The following IL1RL1 variants were observed in gnomAD, a reference collection of about 807,000 sequenced individuals.
The protein encoded by IL1RL1 is interleukin 1 receptor like 1, also known as interleukin-1 receptor-like 1.
IL1RL1 carries 32 observed loss-of-function variants against 50.9 expected under a neutral mutation model. The observed-to-expected ratio is 0.63, with a 90% CI of 0.47 to 0.84. The LOEUF (loss-of-function observed/expected upper bound fraction) is 0.84, where lower values mean the gene tolerates loss of function less well. Ranked by LOEUF, IL1RL1 falls within the 40% of genes least tolerant of loss-of-function variation. The probability of loss-of-function intolerance (pLI) is 0.00; values close to 1 mark genes in which losing one functional copy is unlikely to be tolerated. For synonymous variants in IL1RL1, 275 were observed against 236.0 expected (o/e 1.17, Z -1.51); for missense variants, 773 against 662.9 (o/e 1.17, Z -1.82).
Position 102,340,082 on chromosome 2 carries a change from T to G in IL1RL1, c.273-16T>G. 1 of 1,444,426 alleles carries G rather than the reference T, an allele frequency of 6.9e-7. No homozygotes were observed. Among genetic ancestry groups the G allele is most frequent in the Non-Finnish European group, 9.2e-7 (1 of 1,086,422 alleles). 89.5% of individuals were successfully genotyped at this position (1,444,426 alleles called of 1,614,324 possible). ...ATGCTAAGTGACTCTTTTAATTGTC[T>G]GACTTATTTTAACAGTCCCACATTC... On this transcript the variant is annotated splice_polypyrimidine_tract_variant and intron_variant, in intron 3 of 10. Transcript: ENST00000233954.
intron 10 of IL1RL1, among the ~76,000 whole-genome samples, chr2:102,349,766 A>G (rs929733448): frequency 3.3e-5 from 5 of 152,194 alleles, no homozygotes; most frequent in South Asian, 2.1e-4. Flanking sequence ...ACCCAATTTT[A>G]TATACTTTTG....
chr2:102,350,886 T>G (rs894027637), intron 10 of IL1RL1, among the ~76,000 whole-genome samples: 2 of 152,226 alleles, frequency 1.3e-5, no homozygotes, highest in Non-Finnish European at 2.9e-5. Context: ...CTTTCTCCTG[T>G]TGCAGTGAGG....
At chr2:102,331,223 G>A (rs1353597357) in intron 1 of IL1RL1, among the ~76,000 whole-genome samples, 1 of 152,134 alleles carries the variant, frequency 6.6e-6, no homozygotes, top group Non-Finnish European at 1.5e-5. Context: ...GTATTCCCAG[G>A]ACTTTAATTT....
Position 102,340,630 on chromosome 2 carries a change from G to A in IL1RL1, c.448-36G>A, listed in dbSNP as rs566303119. On this transcript the variant is annotated intron_variant, in intron 4 of 10. Coordinates refer to ENST00000233954, the MANE Select transcript of IL1RL1 (RefSeq NM_016232.5). ...CAACAGATAAATAAATAAAAGTGAA[G>A]AATTACTGAGAAGGAAATGGAATTT... 2.5e-6 allele frequency: 4 copies of A among 1,570,322 alleles called. No individual in the cohort carries two copies. The South Asian group carries it at 4.7e-5, about 19-fold the overall frequency.
chr2:102,345,481 C>G (rs150228811), intron 8 of IL1RL1: 1 of 985,244 alleles, frequency 1.0e-6, no homozygotes, highest in Non-Finnish European at 1.2e-6. Flanking sequence ...GTCAAATAGC[C>G]AAAGAGTGTT....
intron 1 of IL1RL1, among the ~76,000 whole-genome samples, chr2:102,332,944 TG>T (rs1677215777): frequency 6.6e-6 from 1 of 151,452 alleles, no homozygotes; most frequent in South Asian, 2.1e-4. Context: ...TTGGAGGAGG[TG>T]GGTAACAGGA....
chr2:102,351,435 T>A (rs1677927258), intron 10 of IL1RL1, 101 bp from the exon 11 acceptor site: 1 of 1,068,806 alleles, frequency 9.4e-7, no homozygotes, highest in Non-Finnish European at 1.3e-6. Context: ...TGTCAGAGAA[T>A]CTCACACCAG....
At chr2:102,335,985 C>T (rs1270702343) in intron 1 of IL1RL1, among the ~76,000 whole-genome samples, 2 of 152,136 alleles carry the variant, frequency 1.3e-5, no homozygotes, top group Admixed American at 1.3e-4. Flanking sequence ...AATCTCCCCG[C>T]GGTCAAAGGA....
At position 102,338,414 on chromosome 2, in the gene IL1RL1, G is replaced by A. The variant is rs1677411940; in HGVS notation, c.61+89G>A. 4.4e-6 allele frequency: 3 copies of A among 678,950 alleles called. No individual in the cohort carries two copies. In the African/African-American group the frequency reaches 5.6e-5, roughly 13 times the overall value. 42.1% of individuals were successfully genotyped at this position (678,950 alleles called of 1,614,324 possible). On this transcript the variant is annotated intron_variant, in intron 2 of 10. Coordinates refer to ENST00000233954, the MANE Select transcript of IL1RL1 (RefSeq NM_016232.5). The stretch of plus-strand genomic sequence containing the variant: ...CCTTGTTTTAAGCAGTTTGCTTCCA[G>A]TTGTTCCAGTTGAATTGTAAACTGA...
intron 1 of IL1RL1, among the ~76,000 whole-genome samples, chr2:102,318,163 T>G (rs1676731965): frequency 6.6e-6 from 1 of 152,114 alleles, no homozygotes; most frequent in African/African-American, 2.4e-5. Context: ...GCTTCTGCTT[T>G]GAAAATCAAT....
At chr2:102,338,768 T>C in intron 2 of IL1RL1, 69 bp from the exon 3 acceptor site, 1 of 1,194,344 alleles carries the variant, frequency 8.4e-7, no homozygotes, top group Non-Finnish European at 1.2e-6. Context: ...AAGAAAATAT[T>C]GAGAGTATAA....
Position 102,351,742 on chromosome 2 carries a change from G to A in IL1RL1, c.1492G>A (p.Asp498Asn), listed in dbSNP as rs1677942337. 4 of 1,614,048 alleles carry A rather than the reference G, an allele frequency of 2.5e-6. No individual in the cohort carries two copies. Among genetic ancestry groups the A allele is most frequent in the Middle Eastern group, 1.6e-4 (1 of 6,062 alleles). The change falls in exon 11 of 11, where the codon GAC (aspartate) becomes AAC (asparagine). Residue 498 changes from aspartate to asparagine, a missense_variant. Transcript: ENST00000233954. ...CATGCTGCAGGCTGAGGCGCTTCAG[G>A]ACTCCCTCCAGCATCTTATGAAAGT... ...LDMLQAEALQ[D>N]SLQHLMKVQG...
intron 8 of IL1RL1, chr2:102,345,713 C>CATA: frequency 1.0e-6 from 1 of 985,386 alleles, no homozygotes; most frequent in South Asian, 4.7e-5. Context: ...TAAACAGAAT[C>CATA]ATAACTCATG....
intron 1 of IL1RL1, among the ~76,000 whole-genome samples, chr2:102,316,682 G>A (rs1035799790): frequency 6.6e-6 from 1 of 152,036 alleles, no homozygotes; most frequent in African/African-American, 2.4e-5. Flanking sequence ...AAATTACCTA[G>A]AATTACCTAA....
Position 102,311,968 on chromosome 2 carries a change from A to AATAT in IL1RL1, c.-150+346_-150+349dup, listed in dbSNP as rs1363172238. ...ATTATATATAATATATATTATATAT[A>AATAT]ATATTATATATAATATATATTATAT... On this transcript the variant is annotated intron_variant, in intron 1 of 10. Coordinates refer to ENST00000233954, the MANE Select transcript of IL1RL1 (RefSeq NM_016232.5). Among the ~76,000 whole-genome samples the AATAT allele has an allele frequency of 4.2e-3, 115 of 27,640 alleles. 2 individuals carry two copies. The highest frequency in any genetic ancestry group is 0.016 in the African/African-American group (111 of 6,996). 18.1% of individuals were successfully genotyped at this position (27,640 alleles called of 152,430 possible). A position where few individuals can be genotyped will look rare whatever the true frequency, so the allele number is the denominator to read the frequency against.
rs759665042 is a variant in IL1RL1, at chr2:102,338,304, T to C, written c.40T>C (p.Tyr14His). Residue 14 changes from tyrosine (Y) to histidine (H), a missense_variant, in exon 2 of 11, where the codon TAT becomes CAT. Physicochemically the swap from Tyr to His is moderately conservative, Grantham distance 83 (BLOSUM62 2). Transcript: ENST00000233954. Reference sequence around the variant, plus strand: ...CTTAGCAATTCTCACAATTCTCATGTATTCCACAGCAGCAAAGTTTAGTAA... The same window carrying C: ...CTTAGCAATTCTCACAATTCTCATGCATTCCACAGCAGCAAAGTTTAGTAA... Reference protein sequence around the residue: ...WILAILTILMYSTAAKFSKQS... With the variant: ...WILAILTILMHSTAAKFSKQS... The C allele has an allele frequency of 1.1e-5, 17 of 1,603,194 alleles. No individual in the cohort carries two copies. The highest frequency in any genetic ancestry group is 1.3e-5 in the African/African-American group (1 of 74,848).
At chr2:102,351,456 T>A in intron 10 of IL1RL1, 80 bp from the exon 11 acceptor site, 1 of 1,271,288 alleles carries the variant, frequency 7.9e-7, no homozygotes, top group African/African-American at 1.5e-5. Context: ...ATTATAACAA[T>A]AAGACTTTTA....
At chr2:102,349,022 T>G in intron 9 of IL1RL1, 57 bp from the exon 10 acceptor site, 1 of 1,334,436 alleles carries the variant, frequency 7.5e-7, no homozygotes, top group Non-Finnish European at 1.1e-6. Context: ...CTTCAAAGAG[T>G]CCAGTGAGAA....
intron 8 of IL1RL1, 173 bp downstream of exon 8, chr2:102,343,588 T>C (rs1677668439): frequency 6.7e-7 from 1 of 1,488,542 alleles, no homozygotes; most frequent in Non-Finnish European, 8.9e-7. Context: ...CTGTTCCTGT[T>C]TGCTGGGAGC....
Sources: gnomAD v4.1 joint callset for allele counts (sites outside exome capture counted in the v4.1 genomes callset) on GRCh38, gnomAD v4.1.1 for gene constraint, MANE v1.5 for transcripts, NCBI Gene and HGNC (gene_info 2026-07-23, HGNC 2026-07-21) for gene names.